The following TTLL13 variants were observed in gnomAD, a reference collection of about 807,000 sequenced individuals.
TTLL13 encodes tubulin polyglutamylase TTLL13.
chr15:90,255,746 G>A, the TTLL13 span: 2 of 1,614,142 alleles, frequency 1.2e-6, no homozygotes, highest in Non-Finnish European at 1.7e-6. Flanking sequence ...CTAACTGGCT[G>A]TGTTTCAGAA....
At chr15:90,259,713 T>C in the TTLL13 span, among the ~76,000 whole-genome samples, 4 of 152,340 alleles carry the variant, frequency 2.6e-5, no homozygotes, top group African/African-American at 7.2e-5. Flanking sequence ...AAATCTCCTT[T>C]AGAAACCAGT....
the TTLL13 span, among the ~76,000 whole-genome samples, chr15:90,254,491 T>TAAAAAAAAAA: frequency 7.1e-5 from 6 of 84,206 alleles, no homozygotes; most frequent in East Asian, 1.6e-3. Context: ...AGACTCCATC[T>TAAAAAAAAAA]AAAAAAAAAA....
the TTLL13 span, chr15:90,251,420 A>C: frequency 7.5e-6 from 7 of 933,212 alleles, no homozygotes; most frequent in African/African-American, 1.2e-4. Context: ...CACCGCGCCC[A>C]GCCCATCCTG....
the TTLL13 span, chr15:90,256,051 G>C: frequency 6.4e-7 from 1 of 1,562,242 alleles, no homozygotes; most frequent in Non-Finnish European, 8.7e-7. Flanking sequence ...TCCAGGAAGA[G>C]CATGGACTAG....
At chr15:90,257,062 T>C in the TTLL13 span, 2 of 1,356,838 alleles carry the variant, frequency 1.5e-6, no homozygotes, top group Non-Finnish European at 2.0e-6. Flanking sequence ...TAGCTATGTG[T>C]GTGAAGCACT....
the TTLL13 span, chr15:90,263,002 G>A: frequency 1.3e-6 from 2 of 1,536,098 alleles, no homozygotes; most frequent in Admixed American, 2.0e-5. Flanking sequence ...GAGGCCTCAA[G>A]AAATTGTGGA....
the TTLL13 span, among the ~76,000 whole-genome samples, chr15:90,252,179 A>G: frequency 2.0e-5 from 3 of 151,996 alleles, no homozygotes; most frequent in Non-Finnish European, 4.4e-5. Context: ...AGCTGGGATT[A>G]CAGGCATGTG....
At chr15:90,254,265 C>A in the TTLL13 span, among the ~76,000 whole-genome samples, 2 of 149,734 alleles carry the variant, frequency 1.3e-5, no homozygotes. Context: ...GAGGCCGAGG[C>A]GGGCGGATCA....
At chr15:90,262,362 C>A in the TTLL13 span, 3 of 1,160,582 alleles carry the variant, frequency 2.6e-6, no homozygotes, top group Non-Finnish European at 3.5e-6. Flanking sequence ...CTATCTTCCC[C>A]TCTCATTGCT....
chr15:90,264,839 T>G, the TTLL13 span: 2,056 of 1,536,098 alleles, frequency 1.3e-3, 27 homozygotes, highest in African/African-American at 0.025. Flanking sequence ...ATCTGACTCA[T>G]GGACTGAATG....
chr15:90,265,212 C>G, the TTLL13 span: 4 of 1,353,738 alleles, frequency 3.0e-6, no homozygotes, highest in Non-Finnish European at 3.8e-6. Flanking sequence ...CATTTCTGCT[C>G]ATCAAGCCTT....
the TTLL13 span, among the ~76,000 whole-genome samples, chr15:90,260,496 C>T: frequency 6.6e-6 from 1 of 151,642 alleles, no homozygotes; most frequent in Non-Finnish European, 1.5e-5. Context: ...GACCTTGTTT[C>T]AAAAAATTAA....
At chr15:90,258,314 C>T in the TTLL13 span, 5 of 1,544,656 alleles carry the variant, frequency 3.2e-6, no homozygotes, top group Non-Finnish European at 4.5e-6. Flanking sequence ...GTCCAGAGGC[C>T]TCCTTGAATA....
At chr15:90,257,335 T>G in the TTLL13 span, 1 of 1,568,736 alleles carries the variant, frequency 6.4e-7, no homozygotes, top group Non-Finnish European at 8.6e-7. Flanking sequence ...GCTGAGGTTC[T>G]CTAGAGAAAC....
At chr15:90,262,995 G>T in the TTLL13 span, 2 of 1,536,066 alleles carry the variant, frequency 1.3e-6, no homozygotes, top group Middle Eastern at 1.7e-4. Context: ...ACACCATGAG[G>T]CCTCAAGAAA....
At chr15:90,255,520 C>T in the TTLL13 span, among the ~76,000 whole-genome samples, 1 of 152,082 alleles carries the variant, frequency 6.6e-6, no homozygotes, top group Non-Finnish European at 1.5e-5. Flanking sequence ...TTCTCACTGC[C>T]CCTCATTTGC....
At chr15:90,255,364 T>C in the TTLL13 span, among the ~76,000 whole-genome samples, 577 of 152,288 alleles carry the variant, frequency 3.8e-3, 2 homozygotes, top group African/African-American at 0.013. Context: ...TTTCCTTTTA[T>C]CTTTTGTGTC....
chr15:90,259,193 C>A, the TTLL13 span: 1 of 482,886 alleles, frequency 2.1e-6, no homozygotes, highest in Non-Finnish European at 3.4e-6. Context: ...GAGACTCTGT[C>A]CCTAAAACAC....
chr15:90,260,233 C>T, the TTLL13 span, among the ~76,000 whole-genome samples: 1 of 152,206 alleles, frequency 6.6e-6, no homozygotes, highest in African/African-American at 2.4e-5. Flanking sequence ...TGTGGTGGCT[C>T]ACACCTGTAA....
Sources: allele counts gnomAD v4.1 joint callset (sites outside exome capture counted in the v4.1 genomes callset), GRCh38; gene constraint gnomAD v4.1.1; transcripts MANE v1.5; gene names NCBI Gene and HGNC (gene_info 2026-07-23, HGNC 2026-07-21).